The following MAF variants were observed in gnomAD, a reference collection of about 807,000 sequenced individuals.
MAF encodes MAF bZIP transcription factor.
In MAF, 10 loss-of-function variants were observed where a neutral mutation model predicts 22.0. That is an observed-to-expected ratio of 0.45 (90% CI 0.28 to 0.77). MAF has a LOEUF of 0.77. Among genes scored for constraint, MAF ranks in the 30% least tolerant of loss-of-function variants. MAF has a pLI of 0.12. For synonymous variants in MAF, 337 were observed against 255.8 expected (o/e 1.32, Z -3.03); for missense variants, 544 against 548.4 (o/e 0.99, Z 0.08).
the MAF span, among the ~76,000 whole-genome samples, chr16:79,215,554 C>T: frequency 5.9e-5 from 9 of 152,248 alleles, no homozygotes; most frequent in African/African-American, 1.2e-4. Flanking sequence ...GCTTCCTGGC[C>T]GTGTCTAGGG....
At chr16:79,210,816 C>T in the MAF span, among the ~76,000 whole-genome samples, 1 of 152,140 alleles carries the variant, frequency 6.6e-6, no homozygotes, top group Non-Finnish European at 1.5e-5. Context: ...GCACACGTCC[C>T]TAGCCACAGC....
the MAF span, among the ~76,000 whole-genome samples, chr16:79,446,702 A>C: frequency 6.6e-6 from 1 of 152,018 alleles, no homozygotes; most frequent in Non-Finnish European, 1.5e-5. Flanking sequence ...ACTTGAACCC[A>C]GAAGTTCAAG....
At chr16:79,417,410 T>C in the MAF span, among the ~76,000 whole-genome samples, 66 of 152,306 alleles carry the variant, frequency 4.3e-4, no homozygotes, top group African/African-American at 1.6e-3. Context: ...CCCCATTCTA[T>C]TTTGAAGGTG....
At chr16:79,238,934 C>G in the MAF span, among the ~76,000 whole-genome samples, 3 of 152,012 alleles carry the variant, frequency 2.0e-5, no homozygotes, top group Non-Finnish European at 4.4e-5. Context: ...GGTGGGGTAA[C>G]CACCAGGGGA....
the MAF span, among the ~76,000 whole-genome samples, chr16:79,224,398 A>G: frequency 2.6e-5 from 4 of 152,228 alleles, no homozygotes; most frequent in African/African-American, 7.2e-5. Flanking sequence ...CCCATAGCCA[A>G]TATCATACTG....
the MAF span, among the ~76,000 whole-genome samples, chr16:79,432,969 G>T: frequency 6.6e-6 from 1 of 152,074 alleles, no homozygotes; most frequent in South Asian, 2.1e-4. Context: ...TAAGCTACCT[G>T]GTTTGCAGTA....
At chr16:79,576,678 A>G in the MAF span, among the ~76,000 whole-genome samples, 9 of 152,204 alleles carry the variant, frequency 5.9e-5, no homozygotes, top group African/African-American at 2.2e-4. Context: ...ATTCTAAAAC[A>G]AACCAAGGCT....
At chr16:79,442,091 T>C in the MAF span, among the ~76,000 whole-genome samples, 1 of 152,212 alleles carries the variant, frequency 6.6e-6, no homozygotes, top group East Asian at 1.9e-4. Flanking sequence ...AGAGGGAAAG[T>C]GGCCCTGCCC....
chr16:79,586,686 T>C (rs1912861970), intron 1 of MAF, among the ~76,000 whole-genome samples: 3 of 152,260 alleles, frequency 2.0e-5, no homozygotes, highest in Admixed American at 2.0e-4. Flanking sequence ...GCTGTACTAA[T>C]GTAAGTGGCA....
chr16:79,476,514 T>C, the MAF span, among the ~76,000 whole-genome samples: 7 of 152,200 alleles, frequency 4.6e-5, no homozygotes, highest in Admixed American at 1.3e-4. Context: ...GATTGGGACA[T>C]AGACCTGGAT....
At chr16:79,527,495 C>T in the MAF span, among the ~76,000 whole-genome samples, 1 of 152,296 alleles carries the variant, frequency 6.6e-6, no homozygotes, top group African/African-American at 2.4e-5. Flanking sequence ...CTACCACATT[C>T]CTTTTCTTAT....
At chr16:79,432,655 G>T in the MAF span, among the ~76,000 whole-genome samples, 3 of 152,188 alleles carry the variant, frequency 2.0e-5, no homozygotes, top group Non-Finnish European at 4.4e-5. Flanking sequence ...AGGATCACTT[G>T]TGGAAGTAGT....
the MAF span, among the ~76,000 whole-genome samples, chr16:79,519,733 T>C: frequency 2.6e-5 from 4 of 152,252 alleles, no homozygotes; most frequent in Non-Finnish European, 5.9e-5. Flanking sequence ...TGGTTTGCAC[T>C]TCCTGTCCTA....
chr16:79,285,620 T>C, the MAF span, among the ~76,000 whole-genome samples: 1 of 152,066 alleles, frequency 6.6e-6, no homozygotes, highest in Non-Finnish European at 1.5e-5. Flanking sequence ...TTTACCATGG[T>C]GATTCTGGTG....
the MAF span, among the ~76,000 whole-genome samples, chr16:79,407,011 C>G: frequency 6.6e-6 from 1 of 152,202 alleles, no homozygotes; most frequent in South Asian, 2.1e-4. Context: ...GCGTCACACC[C>G]AGCCGGGAAA....
chr16:79,452,138 T>C, the MAF span, among the ~76,000 whole-genome samples: 1 of 152,206 alleles, frequency 6.6e-6, no homozygotes, highest in Non-Finnish European at 1.5e-5. Context: ...ATAGAGACAG[T>C]GTGGCCTGCA....
chr16:79,431,316 G>A, the MAF span, among the ~76,000 whole-genome samples: 15 of 152,052 alleles, frequency 9.9e-5, no homozygotes, highest in Admixed American at 5.2e-4. Flanking sequence ...AAGAGTTAAG[G>A]GCCATGAAAC....
At chr16:79,273,004 G>A in the MAF span, among the ~76,000 whole-genome samples, 3 of 152,254 alleles carry the variant, frequency 2.0e-5, no homozygotes, top group Admixed American at 2.0e-4. Context: ...ATAAAATACA[G>A]AAGTAAGAAG....
At chr16:79,515,860 G>A in the MAF span, 1 of 151,986 alleles carries the variant, frequency 6.6e-6, no homozygotes, top group African/African-American at 2.4e-5. Context: ...GGTTGAGATG[G>A]AGCCTCCATC....
Sources: gnomAD v4.1 joint callset for allele counts (sites outside exome capture counted in the v4.1 genomes callset) on GRCh38, gnomAD v4.1.1 for gene constraint, MANE v1.5 for transcripts, NCBI Gene and HGNC (gene_info 2026-07-23, HGNC 2026-07-21) for gene names.